The following STIM1 variants were observed in gnomAD, a reference collection of about 807,000 sequenced individuals.
STIM1 encodes stromal interaction molecule 1.
STIM1 carries 25 observed loss-of-function variants against 74.7 expected under a neutral mutation model. That is an observed-to-expected ratio of 0.33 (90% CI 0.24 to 0.47). The LOEUF is 0.47. Among genes scored for constraint, STIM1 ranks in the 20% least tolerant of loss-of-function variants. STIM1 has a pLI of 1.00. For missense variants in STIM1, 728 were observed against 920.8 expected (o/e 0.79, Z 2.71); for synonymous variants, 328 against 348.8 (o/e 0.94, Z 0.66).
At chr11:3,965,066 A>G (rs1165363668) in intron 1 of STIM1, among the ~76,000 whole-genome samples, 2 of 152,190 alleles carry the variant, frequency 1.3e-5, no homozygotes, top group Non-Finnish European at 2.9e-5. Flanking sequence ...TGATTTAGGT[A>G]TGCTACCTAT....
chr11:3,903,491 AGTCCTACCTGTCAGCTCAGCC>A (rs2092399032), intron 1 of STIM1: 1 of 152,196 alleles, frequency 6.6e-6, no homozygotes, highest in Non-Finnish European at 1.5e-5. Flanking sequence ...GTCAGTTGGC[AGTCCTACCTGTCAGCTCAGCC>A]CATTTTAGAA....
At chr11:3,904,196 C>CAAAAAAAAAAAAAAAAAAAAAAAAAAAA (rs57908154) in intron 1 of STIM1, among the ~76,000 whole-genome samples, 1 of 73,876 alleles carries the variant, frequency 1.4e-5, no homozygotes, top group Non-Finnish European at 2.4e-5. Context: ...GACTCTGTCT[C>CAAAAAAAAAAAAAAAAAAAAAAAAAAAA]AAAAAAAAAA....
chr11:4,059,895 C>T (rs540090618), intron 5 of STIM1, among the ~76,000 whole-genome samples: 1 of 152,182 alleles, frequency 6.6e-6, no homozygotes, highest in African/African-American at 2.4e-5. Context: ...ATAGAAGTAA[C>T]CCCCTATGGG....
chr11:4,042,037 C>T (rs991680857), intron 3 of STIM1, among the ~76,000 whole-genome samples: 6 of 152,160 alleles, frequency 3.9e-5, no homozygotes, highest in African/African-American at 1.4e-4. Context: ...GATTTGAAAC[C>T]ACAAAAGTAG....
chr11:4,029,665 C>A (rs2094031292), intron 3 of STIM1, among the ~76,000 whole-genome samples: 1 of 152,140 alleles, frequency 6.6e-6, no homozygotes, highest in African/African-American at 2.4e-5. Flanking sequence ...AATGGAATGG[C>A]ATCTGATTCA....
chr11:4,015,836 G>T (rs1305074303), intron 2 of STIM1, among the ~76,000 whole-genome samples: 2 of 151,984 alleles, frequency 1.3e-5, no homozygotes, highest in Admixed American at 6.6e-5. Context: ...GATCAAATCG[G>T]CTATTGAAGC....
intron 12 of STIM1, among the ~76,000 whole-genome samples, chr11:4,089,890 C>T (rs967790863): frequency 6.6e-6 from 1 of 152,140 alleles, no homozygotes; most frequent in African/African-American, 2.4e-5. Context: ...TGCTGAGGTT[C>T]TCAGGCCTCT....
At chr11:3,883,377 CAG>C (rs1273889100) in intron 1 of STIM1, among the ~76,000 whole-genome samples, 1 of 152,070 alleles carries the variant, frequency 6.6e-6, no homozygotes, top group Non-Finnish European at 1.5e-5. Flanking sequence ...TTTTTTGAGA[CAG>C]AGTTTCACTC....
intron 1 of STIM1, among the ~76,000 whole-genome samples, chr11:3,938,822 G>C (rs1244127018): frequency 6.6e-6 from 1 of 152,180 alleles, no homozygotes; most frequent in Non-Finnish European, 1.5e-5. Context: ...GCTCCAGCCT[G>C]GGTGACAGGG....
chr11:4,085,891 A>G (rs1435987712), intron 11 of STIM1, among the ~76,000 whole-genome samples: 3 of 152,112 alleles, frequency 2.0e-5, no homozygotes, highest in African/African-American at 7.2e-5. Context: ...TTTAATAGGC[A>G]TTTTTCCATT....
rs2092060249 is a variant in STIM1 at position 3,895,655 on chromosome 11, TTTCTTTCTTTCTTTCTTTCCTTCCTTCC to T, written c.139+39266_139+39293del. On this transcript the variant is annotated intron_variant, in intron 1 of 12. Coordinates refer to ENST00000526596, the MANE Select transcript of STIM1 (RefSeq NM_001382567.1). The stretch of plus-strand genomic sequence containing the variant: ...CTTTCTTTCTTTCTTTCTTTCTTTC[TTTCTTTCTTTCTTTCTTTCCTTCCTTCC>T]TTCTTTCTTTCTTTCTTTCTTTCTT... 1.6e-3 allele frequency among the ~76,000 whole-genome samples: 23 copies of T among 14,084 alleles called. 2 individuals are homozygous for T. Among genetic ancestry groups the T allele is most frequent in the South Asian group, 7.5e-3 (2 of 266 alleles). The allele number at this position is 14,084 out of a possible 152,430, so 9.2% of individuals were successfully genotyped here.
chr11:3,872,313 A>G (rs2091130043), intron 1 of STIM1, among the ~76,000 whole-genome samples: 1 of 152,086 alleles, frequency 6.6e-6, no homozygotes, highest in African/African-American at 2.4e-5. Flanking sequence ...TTGGCCTCCC[A>G]AAGTGCTGGG....
chr11:3,886,605 G>A (rs1440272920), intron 1 of STIM1, among the ~76,000 whole-genome samples: 1 of 146,548 alleles, frequency 6.8e-6, no homozygotes, highest in Non-Finnish European at 1.5e-5. Flanking sequence ...GGAGAATGGC[G>A]TGAACCTGGG....
At chr11:3,906,844 A>G (rs191102358) in intron 1 of STIM1, among the ~76,000 whole-genome samples, 1 of 152,336 alleles carries the variant, frequency 6.6e-6, no homozygotes, top group East Asian at 1.9e-4. Flanking sequence ...TAAGATAACA[A>G]TCTTTTAAGA....
chr11:3,916,420 T>C (rs1391494274), intron 1 of STIM1, among the ~76,000 whole-genome samples: 1 of 151,444 alleles, frequency 6.6e-6, no homozygotes, highest in Non-Finnish European at 1.5e-5. Flanking sequence ...CCTGAGTAGC[T>C]AGGACTACAA....
intron 1 of STIM1, among the ~76,000 whole-genome samples, chr11:3,945,781 A>G (rs916539445): frequency 1.3e-5 from 2 of 152,178 alleles, no homozygotes; most frequent in Non-Finnish European, 2.9e-5. Context: ...ATTTATAAAG[A>G]AAAGAGGTTT....
At chr11:3,980,392 A>G (rs2135795164) in intron 2 of STIM1, among the ~76,000 whole-genome samples, 1 of 152,246 alleles carries the variant, frequency 6.6e-6, no homozygotes, top group Non-Finnish European at 1.5e-5. Flanking sequence ...ACTCTATGCT[A>G]TAGCCACCCC....
intron 4 of STIM1, among the ~76,000 whole-genome samples, chr11:4,057,883 A>G (rs905064544): frequency 1.3e-5 from 2 of 152,074 alleles, no homozygotes; most frequent in African/African-American, 4.8e-5. Flanking sequence ...AAAAAAAAAA[A>G]AAAGAAAGTG....
chr11:3,976,014 A>G (rs1204193344), intron 2 of STIM1, among the ~76,000 whole-genome samples: 1 of 152,252 alleles, frequency 6.6e-6, no homozygotes, highest in African/African-American at 2.4e-5. Context: ...TTATATTCAC[A>G]GTAGAACCTG....
Sources: gnomAD v4.1 joint callset for allele counts (sites outside exome capture counted in the v4.1 genomes callset) on GRCh38, gnomAD v4.1.1 for gene constraint, MANE v1.5 for transcripts, NCBI Gene and HGNC (gene_info 2026-07-23, HGNC 2026-07-21) for gene names.